The following MTRF1 variants were observed in gnomAD, a reference collection of about 807,000 sequenced individuals.
MTRF1 encodes the protein peptide chain release factor 1, mitochondrial.
MTRF1 carries 51 observed loss-of-function variants against 62.9 expected under a neutral mutation model. The ratio of observed to expected loss-of-function variants is 0.81; its 90% CI spans 0.65 to 1.02. The LOEUF (loss-of-function observed/expected upper bound fraction) is 1.02. MTRF1 is among the 50% of genes least tolerant of loss of function. The probability of loss-of-function intolerance (pLI) is 0.00; values close to 1 mark genes in which losing one functional copy is unlikely to be tolerated. For missense variants in MTRF1, 446 were observed against 530.0 expected, an observed-to-expected ratio of 0.84 and a Z score of 1.56; for synonymous variants, 158 against 181.9, an observed-to-expected ratio of 0.87 and a Z score of 1.06.
chr13:41,240,116 TCGCG>T lies in MTRF1; in HGVS notation c.870+141_870+144del. On this transcript the variant is annotated intron_variant, in intron 6 of 9. Coordinates refer to ENST00000379480, the MANE Select transcript of MTRF1 (RefSeq NM_004294.4). ...AGGTGGAGGTTGCAGTGAGCAGAGA[TCGCG>T]CCACTGTACTCCAACCTGGGCGACA... is the stretch of plus-strand genomic sequence containing the variant. 3 of 686,036 alleles carry T rather than the reference TCGCG, an allele frequency of 4.4e-6. No homozygotes were observed. The East Asian group carries it at 9.2e-5, about 21-fold the overall frequency. The allele number at this position is 686,036 out of a possible 1,614,324, so 42.5% of individuals were successfully genotyped here.
intron 3 of MTRF1, 67 bp from the exon 4 acceptor site, chr13:41,253,097 C>A: frequency 4.2e-6 from 5 of 1,200,160 alleles, no homozygotes; most frequent in South Asian, 2.8e-5. Context: ...TAAATAAAGG[C>A]CCGAAAAACA....
chr13:41,263,901 A>G (rs1340377192), upstream of MTRF1, among the ~76,000 whole-genome samples: 1 of 152,178 alleles, frequency 6.6e-6, no homozygotes, highest in Non-Finnish European at 1.5e-5. Flanking sequence ...ACCTTGCGGC[A>G]GCCTCCAACC....
the MTRF1 span, among the ~76,000 whole-genome samples, chr13:41,292,897 C>G: frequency 1.3e-5 from 2 of 152,150 alleles, no homozygotes; most frequent in Non-Finnish European, 2.9e-5. Flanking sequence ...GATTATGCCA[C>G]AGCACTCCAG....
chr13:41,229,166 A>G (rs1368913419), intron 7 of MTRF1: 3 of 152,232 alleles, frequency 2.0e-5, no homozygotes, highest in Non-Finnish European at 4.4e-5. Context: ...TAAGTCTGGC[A>G]GCACAATGAT....
rs943272646 is a variant in MTRF1 at position 41,261,010 on chromosome 13, C to A, written c.-8-95G>T. 2.6e-6 allele frequency: 3 copies of A among 1,175,890 alleles called. No homozygotes were observed. In the Admixed American group the frequency reaches 8.2e-5, roughly 32 times the overall value. The allele number at this position is 1,175,890 out of a possible 1,614,324, so 72.8% of individuals were successfully genotyped here. A position where few individuals can be genotyped will look rare whatever the true frequency, so the allele number is the denominator to read the frequency against. ...GGAACATCAAGAAATCTTGTTTCAT[C>A]TACTGCCTCAGCCAGCTCCACAGTC... is the stretch of plus-strand genomic sequence containing the variant. On this transcript the variant is annotated intron_variant, in intron 1 of 9. Coordinates refer to ENST00000379480, the MANE Select transcript of MTRF1 (RefSeq NM_004294.4).
intron 5 of MTRF1, among the ~76,000 whole-genome samples, chr13:41,241,389 A>G (rs975195145): frequency 2.0e-5 from 3 of 152,066 alleles, no homozygotes; most frequent in African/African-American, 7.2e-5. Context: ...TTTATGATAC[A>G]ATAATATATG....
At chr13:41,260,033 C>T (rs1450366311) in intron 2 of MTRF1, among the ~76,000 whole-genome samples, 1 of 152,166 alleles carries the variant, frequency 6.6e-6, no homozygotes, top group Non-Finnish European at 1.5e-5. Flanking sequence ...GTCTCCCAGA[C>T]CTTGAGACCA....
Position 41,260,517 on chromosome 13 carries a change from C to G in MTRF1, c.391G>C (p.Glu131Gln), listed in dbSNP as rs575224415. The change falls in exon 2 of 10, where the codon GAA (glutamate) becomes CAA (glutamine). Residue 131 changes from glutamate (E) to glutamine (Q), a missense_variant. Coordinates refer to ENST00000379480, the MANE Select transcript of MTRF1 (RefSeq NM_004294.4). ...QEIQETEQAI[E>Q]ELESMCKSLN... is the part of the protein sequence containing the mutation. ...CTTTTACACATTGATTCTAATTCTTCAATTGCTTGTTCAGTCTCCTGAATT... is the reference window on the plus strand; with the variant it reads ...CTTTTACACATTGATTCTAATTCTTGAATTGCTTGTTCAGTCTCCTGAATT... The G allele has an allele frequency of 6.2e-7, 1 of 1,612,992 alleles. No homozygotes were observed. Among genetic ancestry groups the G allele is most frequent in the Admixed American group, 1.7e-5 (1 of 59,890 alleles).
chr13:41,216,924 T>G lies in MTRF1; in HGVS notation c.*191A>C. 1 of 395,752 alleles carries G rather than the reference T, an allele frequency of 2.5e-6. No homozygotes were observed. Among genetic ancestry groups the G allele is most frequent in the East Asian group, 4.1e-5 (1 of 24,478 alleles). The allele number at this position is 395,752 out of a possible 1,614,324, so 24.5% of individuals were successfully genotyped here. ...TTCTACTTGATGAGTTGGATTGTAC[T>G]TTACAGGAAACCTAAAATAAATTCT... is the stretch of plus-strand genomic sequence containing the variant. On this transcript the variant is annotated 3_prime_UTR_variant, in exon 10 of 10. Transcript: ENST00000379480.
upstream of MTRF1, among the ~76,000 whole-genome samples, chr13:41,265,766 C>G (rs2040827753): frequency 6.6e-6 from 1 of 152,200 alleles, no homozygotes; most frequent in African/African-American, 2.4e-5. Flanking sequence ...TTGCTGCCAC[C>G]TTGATGTTAG....
At position 41,233,933 on chromosome 13, in the gene MTRF1, A is replaced by AACATGCTGCCC; in HGVS notation, c.934_944dup (p.Asn316GlyfsTer20). On this transcript the variant is annotated frameshift_variant, in exon 7 of 10. Coordinates refer to ENST00000379480, the MANE Select transcript of MTRF1 (RefSeq NM_004294.4). LOFTEE classifies it high-confidence loss of function. ...GTCTGACGGCACTATCAGTTTTATTAACATGCTGCCCTCCTGCTCCTTTGG... is the reference window on the plus strand; with the variant it reads ...GTCTGACGGCACTATCAGTTTTATTAACATGCTGCCCACATGCTGCCCTCCTGCTCCTTTGG... 6.2e-7 allele frequency: 1 copy of AACATGCTGCCC among 1,614,164 alleles called. No homozygotes were observed. The highest frequency in any genetic ancestry group is 1.3e-5 in the African/African-American group (1 of 75,052).
chr13:41,224,129 G>T (rs567286427), intron 8 of MTRF1, among the ~76,000 whole-genome samples: 1 of 152,266 alleles, frequency 6.6e-6, no homozygotes, highest in African/African-American at 2.4e-5. Flanking sequence ...ATTATTATGT[G>T]TGTGTCGGTT....
chr13:41,266,559 C>T (rs559458132), upstream of MTRF1, among the ~76,000 whole-genome samples: 1 of 152,286 alleles, frequency 6.6e-6, no homozygotes, highest in African/African-American at 2.4e-5. Context: ...CTGCAGTGAG[C>T]TATGGTGCCA....
At chr13:41,278,531 T>C in the MTRF1 span, among the ~76,000 whole-genome samples, 1 of 152,242 alleles carries the variant, frequency 6.6e-6, no homozygotes, top group African/African-American at 2.4e-5. Context: ...TTTCCTGTTA[T>C]AGCTGAAGTG....
At chr13:41,227,550 C>T (rs1336115055) in intron 7 of MTRF1, among the ~76,000 whole-genome samples, 1 of 152,166 alleles carries the variant, frequency 6.6e-6, no homozygotes, top group Non-Finnish European at 1.5e-5. Flanking sequence ...AAATCCAGCT[C>T]TGAAACGATC....
the MTRF1 span, chr13:41,288,088 AT>A: frequency 4.3e-6 from 2 of 461,662 alleles, no homozygotes; most frequent in South Asian, 1.6e-5. Context: ...CATATTAAAA[AT>A]ATGTCTGTTT....
chr13:41,219,782 T>C lies in MTRF1; in HGVS notation c.1225-2554A>G, dbSNP rs183176907. Among the ~76,000 whole-genome samples the C allele has an allele frequency of 6.4e-4, 98 of 152,138 alleles. No homozygotes were observed. The Middle Eastern group carries it at 0.014, about 21-fold the overall frequency. ...GGGAGGCCAAGACAGGCAGATCACTTGAGGTCGGGAATTCAAGAACAGCCT... is the reference window on the plus strand; with the variant it reads ...GGGAGGCCAAGACAGGCAGATCACTCGAGGTCGGGAATTCAAGAACAGCCT... On this transcript the variant is annotated intron_variant, in intron 9 of 9. Coordinates refer to ENST00000379480, the MANE Select transcript of MTRF1 (RefSeq NM_004294.4).
intron 5 of MTRF1, among the ~76,000 whole-genome samples, chr13:41,248,779 G>A (rs372233414): frequency 1.3e-5 from 2 of 152,290 alleles, no homozygotes; most frequent in African/African-American, 2.4e-5. Context: ...TTCATCAGTC[G>A]AGGGCTGGGG....
At chr13:41,276,319 G>T in the MTRF1 span, among the ~76,000 whole-genome samples, 1 of 151,894 alleles carries the variant, frequency 6.6e-6, no homozygotes, top group Non-Finnish European at 1.5e-5. Flanking sequence ...TTACAGGTAT[G>T]TGCCACCACA....
Sources: gnomAD v4.1 joint callset for allele counts (sites outside exome capture counted in the v4.1 genomes callset) on GRCh38, gnomAD v4.1.1 for gene constraint, MANE v1.5 for transcripts, NCBI Gene and HGNC (gene_info 2026-07-23, HGNC 2026-07-21) for gene names.